The following DENND2A variants were observed in gnomAD, a reference collection of about 807,000 sequenced individuals.
DENND2A encodes the protein DENN domain-containing protein 2A.
A neutral mutation model predicts 105.3 loss-of-function variants in DENND2A; 53 were observed. The ratio of observed to expected loss-of-function variants is 0.50; its 90% CI spans 0.40 to 0.63. The LOEUF (loss-of-function observed/expected upper bound fraction) is 0.63. DENND2A is among the 30% of genes least tolerant of loss of function. DENND2A has a pLI of 0.00. For synonymous variants in DENND2A, 522 were observed against 508.4 expected (o/e 1.03, Z -0.36); for missense variants, 1,138 against 1,279.6 (o/e 0.89, Z 1.69).
Position 140,568,828 on chromosome 7 carries a change from C to T in DENND2A, c.1541-15G>A. The T allele has an allele frequency of 6.2e-7, 1 of 1,613,878 alleles. No homozygotes were observed. Among genetic ancestry groups the T allele is most frequent in the East Asian group, 2.2e-5 (1 of 44,864 alleles). On this transcript the variant is annotated splice_polypyrimidine_tract_variant and intron_variant, in intron 7 of 19. Coordinates refer to ENST00000496613, the MANE Select transcript of DENND2A (RefSeq NM_015689.5). ...CTCATCTGTCACTAGAAGAAAAGAA[C>T]AAGGAAGAAAATTGCAAATGTGAGT...
Position 140,538,743 on chromosome 7 carries a change from C to T in DENND2A, c.2327+5875G>A, listed in dbSNP as rs191346806. 6.0e-3 allele frequency among the ~76,000 whole-genome samples: 915 copies of T among 151,974 alleles called. 5 individuals carry two copies. Among genetic ancestry groups the T allele is most frequent in the African/African-American group, 0.02 (823 of 41,442 alleles). The stretch of plus-strand genomic sequence containing the variant: ...CTGGTCTTGAACTCCCAACCTCAGG[C>T]GATCCACCTGCCTTGGCCTCCCAAA... On this transcript the variant is annotated intron_variant, in intron 14 of 19. Coordinates refer to ENST00000496613, the MANE Select transcript of DENND2A (RefSeq NM_015689.5).
chr7:140,554,783 T>C (rs1410808480), intron 12 of DENND2A, among the ~76,000 whole-genome samples: 1 of 152,226 alleles, frequency 6.6e-6, no homozygotes, highest in Non-Finnish European at 1.5e-5. Context: ...GTAGATGAGC[T>C]AATTCAATAC....
chr7:140,624,441 G>C lies in DENND2A; in HGVS notation c.-248+16063C>G, dbSNP rs1800428404. Among the ~76,000 whole-genome samples, 3 of 152,248 alleles carry C rather than the reference G, an allele frequency of 2.0e-5. No individual in the cohort carries two copies. In the South Asian group the frequency reaches 6.2e-4, roughly 31 times the overall value. On this transcript the variant is annotated intron_variant, in intron 1 of 19. Coordinates refer to ENST00000496613, the MANE Select transcript of DENND2A (RefSeq NM_015689.5). ...AGAGAGGCCCCTCAACACCAACACA[G>C]GGAGGGAACAGGTGGGACGCCAGGG...
intron 3 of DENND2A, among the ~76,000 whole-genome samples, chr7:140,589,182 G>A (rs75075230): frequency 0.036 from 5,504 of 152,246 alleles, 177 homozygotes; most frequent in African/African-American, 0.092. Flanking sequence ...TAATGACACA[G>A]GGCATTATGG....
chr7:140,524,819 T>C (rs995455618), intron 16 of DENND2A, among the ~76,000 whole-genome samples: 13 of 151,858 alleles, frequency 8.6e-5, no homozygotes, highest in African/African-American at 2.9e-4. Context: ...TGGGCTCAAG[T>C]GATCCTCCTG....
At chr7:140,555,226 C>T (rs1250664027) in intron 12 of DENND2A, among the ~76,000 whole-genome samples, 4 of 151,788 alleles carry the variant, frequency 2.6e-5, no homozygotes, top group East Asian at 1.9e-4. Flanking sequence ...CTCCGCCTCC[C>T]GGGTTCAAGT....
intron 14 of DENND2A, among the ~76,000 whole-genome samples, chr7:140,542,942 A>C (rs530636038): frequency 4.7e-4 from 71 of 151,982 alleles, no homozygotes; most frequent in African/African-American, 1.5e-3. Context: ...TTTGCCTGCA[A>C]TGTGCTGACT....
intron 9 of DENND2A, among the ~76,000 whole-genome samples, chr7:140,566,566 T>C (rs1797843187): frequency 6.6e-6 from 1 of 151,900 alleles, no homozygotes; most frequent in Non-Finnish European, 1.5e-5. Flanking sequence ...AAGAGACTTC[T>C]AGGCTAGGTT....
chr7:140,586,697 T>G (rs1798797906), intron 4 of DENND2A, among the ~76,000 whole-genome samples: 1 of 152,230 alleles, frequency 6.6e-6, no homozygotes. Flanking sequence ...GCTCCCATTT[T>G]AGATCTGGGA....
rs1799521160 is a variant in DENND2A at position 140,601,926 on chromosome 7, A to G, written c.472T>C (p.Ser158Pro). 1.2e-6 allele frequency: 2 copies of G among 1,614,148 alleles called. No homozygotes were observed. Among genetic ancestry groups the G allele is most frequent in the East Asian group, 4.5e-5 (2 of 44,862 alleles). Residue 158 changes from serine (S) to proline (P), a missense_variant, in exon 3 of 20, where the codon TCC becomes CCC. Ser to Pro is a moderately conservative substitution (Grantham distance 74, BLOSUM62 -1). Transcript: ENST00000496613. ...AGTTTCTTGACCTGCTTCAGCACGG[A>G]GAGGGGATCGTTCTGAAAGCGTAGC... is the stretch of plus-strand genomic sequence containing the variant. ...GKLRFQNDPL[S>P]VLKQVKKLEQ...
In DENND2A at chr7:140,621,583, G is replaced by A. The variant is rs531463679; in HGVS notation, c.-247-15777C>T. ...TGTGGTTGATTGAATCCTCGGATGC[G>A]GAACTCACAGATACAAAGGGCCTGT... On this transcript the variant is annotated intron_variant, in intron 1 of 19. Transcript: ENST00000496613. 7.2e-5 allele frequency among the ~76,000 whole-genome samples: 11 copies of A among 152,114 alleles called. No individual in the cohort carries two copies. In the South Asian group the frequency reaches 1.7e-3, roughly 23 times the overall value.
At chr7:140,567,320 G>A (rs778218804) in intron 8 of DENND2A, 47 bp from the exon 9 acceptor site, 1 of 1,408,756 alleles carries the variant, frequency 7.1e-7, no homozygotes, top group Non-Finnish European at 9.5e-7. Flanking sequence ...GAGAGAGAGA[G>A]AGAGAGAGAG....
intron 5 of DENND2A, among the ~76,000 whole-genome samples, chr7:140,578,062 C>T (rs541426243): frequency 5.9e-5 from 9 of 152,260 alleles, no homozygotes; most frequent in Admixed American, 2.6e-4. Flanking sequence ...CTGAGAGGCT[C>T]CCAGACACCC....
intron 6 of DENND2A, among the ~76,000 whole-genome samples, chr7:140,570,937 G>T (rs1278475336): frequency 2.3e-4 from 35 of 152,182 alleles, no homozygotes; most frequent in Admixed American, 2.2e-3. Context: ...ATTTTGCTTT[G>T]CTGGGTCCCC....
intron 1 of DENND2A, among the ~76,000 whole-genome samples, chr7:140,619,074 A>T (rs963214873): frequency 6.6e-6 from 1 of 152,216 alleles, no homozygotes; most frequent in Non-Finnish European, 1.5e-5. Context: ...CTGGGATTAC[A>T]GGCATGAGCC....
intron 14 of DENND2A, among the ~76,000 whole-genome samples, chr7:140,540,624 G>A (rs1257676023): frequency 2.0e-5 from 3 of 152,194 alleles, no homozygotes; most frequent in East Asian, 1.9e-4. Context: ...CTGGCCCAGC[G>A]TCCAACCTGT....
At chr7:140,580,692 A>T (rs1798506109) in intron 5 of DENND2A, among the ~76,000 whole-genome samples, 1 of 151,982 alleles carries the variant, frequency 6.6e-6, no homozygotes, top group African/African-American at 2.4e-5. Flanking sequence ...GCTGGAGTGT[A>T]GTGGTGCAAT....
chr7:140,609,405 C>T (rs966695379), intron 1 of DENND2A, among the ~76,000 whole-genome samples: 1 of 152,016 alleles, frequency 6.6e-6, no homozygotes, highest in African/African-American at 2.4e-5. Flanking sequence ...CCCAGCTACT[C>T]GGGAGGCTGA....
chr7:140,549,267 AT>A (rs368879127), intron 12 of DENND2A, among the ~76,000 whole-genome samples: 158 of 147,964 alleles, frequency 1.1e-3, no homozygotes, highest in Non-Finnish European at 1.9e-3. Context: ...CAAAATACAC[AT>A]TTTTTTTTTC....
Sources: gnomAD v4.1 joint callset for allele counts (sites outside exome capture counted in the v4.1 genomes callset) on GRCh38, gnomAD v4.1.1 for gene constraint, MANE v1.5 for transcripts, NCBI Gene and HGNC (gene_info 2026-07-23, HGNC 2026-07-21) for gene names.